Variants in METTL13 observed in about 807,000 individuals in gnomAD.
METTL13 encodes methyltransferase 13, eEF1A N-terminus and K55, also known as eEF1A lysine and N-terminal methyltransferase.
A neutral mutation model predicts 67.4 loss-of-function variants in METTL13; 52 were observed. The observed-to-expected ratio is 0.77, with a 90% confidence interval of 0.62 to 0.97. The LOEUF (loss-of-function observed/expected upper bound fraction) is 0.97, where lower values mean the gene tolerates loss of function less well. Among genes scored for constraint, METTL13 ranks in the 50% least tolerant of loss-of-function variants. The pLI is 0.00. For synonymous variants in METTL13, 354 were observed against 353.6 expected (o/e 1.00, Z -0.01); for missense variants, 825 against 889.6 (o/e 0.93, Z 0.92).
chr1:171,783,922 T>G lies in METTL13; in HGVS notation c.336T>G (p.Asp112Glu), dbSNP rs948807389. 1 of 1,614,108 alleles carries G rather than the reference T, an allele frequency of 6.2e-7. No homozygotes were observed. The highest frequency in any genetic ancestry group is 8.5e-7 in the Non-Finnish European group (1 of 1,180,046). Residue 112 changes from aspartate (D) to glutamate (E), a missense_variant, in exon 2 of 8, where the codon GAT becomes GAG. Coordinates refer to ENST00000361735, the MANE Select transcript of METTL13 (RefSeq NM_015935.5). ...ACATGACGCAGATGGAGTTTCCTGA[T>G]GCCTCGTTCCAGGTGGTGTTGGACA... Reference protein sequence around the residue: ...KMDMTQMEFPDASFQVVLDKG... With the variant: ...KMDMTQMEFPEASFQVVLDKG...
rs761845889 is a variant in METTL13 at position 171,782,110 on chromosome 1, C to G, written c.143C>G (p.Pro48Arg). The G allele has an allele frequency of 8.1e-6, 13 of 1,613,586 alleles. No homozygotes were observed. The highest frequency in any genetic ancestry group is 7.7e-5 in the South Asian group (7 of 91,072). The stretch of plus-strand genomic sequence containing the variant: ...GGGGTGCTACATAAATATATCAAGC[C>G]CAGGGAAAAGGTGAGGAGCGCGGGT... ...LCGVLHKYIK[P>R]REKVLVIGCG... is the part of the protein sequence containing the mutation. Residue 48 changes from proline to arginine, a missense_variant, in exon 1 of 8, where the codon CCC (proline) becomes CGC (arginine). By Grantham distance (103) the Pro-to-Arg change is moderately radical (BLOSUM62 -2). Coordinates refer to ENST00000361735, the MANE Select transcript of METTL13 (RefSeq NM_015935.5).
In METTL13 at chr1:171,796,741, G is replaced by A; in HGVS notation, c.2085G>A (p.Thr695=). ...DTYVLSDMLK[T]VKIV ...ATGTCTTGTCAGATATGCTCAAGAC[G>A]GTGAAAATTGTGTGACTGCTTAGGC... Residue 695 remains threonine (T), a synonymous_variant, in exon 8 of 8, where the codon ACG becomes ACA. Coordinates refer to ENST00000361735, the MANE Select transcript of METTL13 (RefSeq NM_015935.5). 3.1e-6 allele frequency: 5 copies of A among 1,613,658 alleles called. No homozygotes were observed. Among genetic ancestry groups the A allele is most frequent in the South Asian group, 2.2e-5 (2 of 91,044 alleles).
At chr1:171,790,926 G>C (rs568713538) in intron 5 of METTL13, 1 of 207,698 alleles carries the variant, frequency 4.8e-6, no homozygotes, top group African/African-American at 2.3e-5. Flanking sequence ...TAATTGTTCA[G>C]CTTTTCTGTA....
chr1:171,782,905 G>C (rs928340111), intron 1 of METTL13, among the ~76,000 whole-genome samples: 22 of 152,160 alleles, frequency 1.4e-4, no homozygotes, highest in African/African-American at 5.3e-4. Context: ...GAAGGAGGAA[G>C]GTAGAAAACT....
intron 6 of METTL13, 125 bp downstream of exon 6, chr1:171,792,360 G>A: frequency 9.5e-7 from 1 of 1,057,832 alleles, no homozygotes; most frequent in South Asian, 1.6e-5. Flanking sequence ...TCTTCAGCCT[G>A]TTCATTTGTT....
Position 171,790,624 on chromosome 1 carries a change from A to G in METTL13, c.1474+8A>G. On this transcript the variant is annotated splice_region_variant and intron_variant, in intron 5 of 7. Transcript: ENST00000361735. ...ACCCAGAGCTACTCCTAGGTGAGAG[A>G]GATGCCACTGCCTTCCACAGAAGGG... is the stretch of plus-strand genomic sequence containing the variant. 6.6e-7 allele frequency: 1 copy of G among 1,523,976 alleles called. No individual in the cohort carries two copies. Among genetic ancestry groups the G allele is most frequent in the Non-Finnish European group, 8.8e-7 (1 of 1,137,342 alleles). The allele number at this position is 1,523,976 out of a possible 1,614,324, so 94.4% of individuals were successfully genotyped here.
chr1:171,782,360 C>G (rs867313598), intron 1 of METTL13, among the ~76,000 whole-genome samples: 2 of 152,050 alleles, frequency 1.3e-5, no homozygotes, highest in South Asian at 4.2e-4. Flanking sequence ...CGCTTGAGCC[C>G]TGGAGTTAAA....
In METTL13 at chr1:171,784,507, G is replaced by A. The variant is rs763480710; in HGVS notation, c.913+8G>A. On this transcript the variant is annotated splice_region_variant and intron_variant, in intron 2 of 7. Transcript: ENST00000361735. ...ATTTTGCGATTTTCATCAGTGAGTT[G>A]GGATTGCTCCCTCTCTTCCCTGGAG... 23 of 1,498,680 alleles carry A rather than the reference G, an allele frequency of 1.5e-5. No individual in the cohort carries two copies. In the East Asian group the frequency reaches 4.9e-4, roughly 32 times the overall value. 92.8% of individuals were successfully genotyped at this position (1,498,680 alleles called of 1,614,324 possible). A position where few individuals can be genotyped will look rare whatever the true frequency, so the allele number is the denominator to read the frequency against.
intron 7 of METTL13, among the ~76,000 whole-genome samples, chr1:171,795,194 G>C (rs977159070): frequency 6.6e-6 from 1 of 152,106 alleles, no homozygotes. Flanking sequence ...TCACAGTGTT[G>C]TGTTTACATG....
Position 171,784,161 on chromosome 1 carries a change from A to G in METTL13, c.575A>G (p.Gln192Arg), listed in dbSNP as rs1165262244. ...RVHQVANSQD[Q>R]VLEAEPQFSL... ...CACCAAGTGGCCAACAGCCAGGACC[A>G]GGTGTTGGAAGCAGAGCCTCAGTTC... The change falls in exon 2 of 8, where the codon CAG becomes CGG. Residue 192 changes from glutamine (Q) to arginine (R), a missense_variant. Physicochemically the swap from Gln to Arg is conservative, Grantham distance 43 (BLOSUM62 1). Coordinates refer to ENST00000361735, the MANE Select transcript of METTL13 (RefSeq NM_015935.5). The G allele has an allele frequency of 1.2e-6, 2 of 1,614,218 alleles. No homozygotes were observed. Among genetic ancestry groups the G allele is most frequent in the Non-Finnish European group, 1.7e-6 (2 of 1,180,040 alleles).
intron 4 of METTL13, among the ~76,000 whole-genome samples, chr1:171,788,323 G>T (rs1311772616): frequency 6.6e-6 from 1 of 152,172 alleles, no homozygotes; most frequent in Non-Finnish European, 1.5e-5. Context: ...GGATTGGCGG[G>T]TGACTTAGAG....
chr1:171,786,185 A>T, intron 3 of METTL13, 107 bp downstream of exon 3: 1 of 1,207,514 alleles, frequency 8.3e-7, no homozygotes, highest in Non-Finnish European at 1.1e-6. Context: ...GTGACTCTTC[A>T]TCTAATCCTG....
Position 171,783,875 on chromosome 1 carries a change from C to T in METTL13, c.289C>T (p.Gln97Ter). 1 of 1,614,216 alleles carries T rather than the reference C, an allele frequency of 6.2e-7. No individual in the cohort carries two copies. Among genetic ancestry groups the T allele is most frequent in the Non-Finnish European group, 8.5e-7 (1 of 1,180,044 alleles). ...GGAATGTAATGCCACCCGACGGCCC[C>T]AGATGAGCTTCTTGAAGATGGACAT... ...MKECNATRRPQMSFLKMDMTQ... is the reference protein window; with the variant it reads ...MKECNATRRP Residue 97 changes from glutamine (Q) to a stop codon, truncating the protein, a stop_gained, in exon 2 of 8, where the codon CAG becomes TAG. Transcript: ENST00000361735. LOFTEE classifies it high-confidence loss of function.
chr1:171,783,809 G>A lies in METTL13; in HGVS notation c.223G>A (p.Val75Met). The change falls in exon 2 of 8, where the codon GTG (valine) becomes ATG (methionine). Residue 75 changes from valine (V) to methionine (M), a missense_variant. Coordinates refer to ENST00000361735, the MANE Select transcript of METTL13 (RefSeq NM_015935.5). ...QLYDVGYRDI[V>M]NIDISEVVIK... ...GTATGATGTGGGCTATCGGGATATAGTGAACATCGACATCAGTGAGGTTGT... is the reference window on the plus strand; with the variant it reads ...GTATGATGTGGGCTATCGGGATATAATGAACATCGACATCAGTGAGGTTGT... 1 of 1,614,210 alleles carries A rather than the reference G, an allele frequency of 6.2e-7. No homozygotes were observed. Among genetic ancestry groups the A allele is most frequent in the Middle Eastern group, 1.6e-4 (1 of 6,062 alleles).
In METTL13 at chr1:171,792,146, A is replaced by T. The variant is rs757890010; in HGVS notation, c.1604A>T (p.Gln535Leu). ...IDPSMLEVAT[Q>L]WFGFSQSDRM... ...CCCTCCATGTTGGAAGTGGCCACCC[A>T]GTGGTTTGGCTTCTCCCAGAGTGAC... is the stretch of plus-strand genomic sequence containing the variant. Residue 535 changes from glutamine (Q) to leucine (L), a missense_variant, in exon 6 of 8, where the codon CAG becomes CTG. By Grantham distance (113) the Gln-to-Leu change is moderately radical. Transcript: ENST00000361735. The T allele has an allele frequency of 2.5e-6, 4 of 1,614,196 alleles. No homozygotes were observed. The South Asian group carries it at 4.4e-5, about 18-fold the overall frequency.
chr1:171,788,010 A>C, intron 4 of METTL13, 80 bp downstream of exon 4: 1 of 1,412,086 alleles, frequency 7.1e-7, no homozygotes. Context: ...GCCGAGATGT[A>C]GGATGGACCT....
At chr1:171,795,221 G>T (rs760119500) in intron 7 of METTL13, among the ~76,000 whole-genome samples, 7 of 152,146 alleles carry the variant, frequency 4.6e-5, no homozygotes, top group Non-Finnish European at 8.8e-5. Flanking sequence ...TTTTATTGCT[G>T]TGTTATATCA....
rs374565649 is a variant in METTL13, at chr1:171,794,410, G to C, written c.1708G>C (p.Asp570His). 1 of 1,614,142 alleles carries C rather than the reference G, an allele frequency of 6.2e-7. No homozygotes were observed. The change falls in exon 7 of 8, where the codon GAT (aspartate) becomes CAT (histidine). Residue 570 changes from aspartate (D) to histidine (H), a missense_variant. Asp to His is a moderately conservative substitution (Grantham distance 81). Coordinates refer to ENST00000361735, the MANE Select transcript of METTL13 (RefSeq NM_015935.5). ...CTTTTTCCCAGCACGGCCTTGCTAC[G>C]ATGTCATAATGTTTGATGTTGACAG... Reference protein sequence around the residue: ...AGGGEARPCYDVIMFDVDSKD... With the variant: ...AGGGEARPCYHVIMFDVDSKD...
intron 7 of METTL13, among the ~76,000 whole-genome samples, chr1:171,794,791 A>G (rs1330701007): frequency 6.6e-6 from 1 of 151,858 alleles, no homozygotes; most frequent in Non-Finnish European, 1.5e-5. Context: ...TGTTCTTTAT[A>G]TAAATGGAAT....
Sources: gnomAD v4.1 joint callset for allele counts (sites outside exome capture counted in the v4.1 genomes callset) on GRCh38, gnomAD v4.1.1 for gene constraint, MANE v1.5 for transcripts, NCBI Gene and HGNC (gene_info 2026-07-23, HGNC 2026-07-21) for gene names.